FIP1L1: variants seen among roughly 807,000 people sequenced by gnomAD.
FIP1L1 encodes pre-mRNA 3'-end-processing factor FIP1.
A neutral mutation model predicts 84.6 loss-of-function variants in FIP1L1; 21 were observed. The ratio of observed to expected loss-of-function variants is 0.25; its 90% CI spans 0.18 to 0.36. FIP1L1 has a LOEUF of 0.36. Among genes scored for constraint, FIP1L1 ranks in the 10% least tolerant of loss-of-function variants. FIP1L1 has a pLI of 1.00. For synonymous variants in FIP1L1, 263 were observed against 242.3 expected (o/e 1.09, Z -0.80); for missense variants, 526 against 751.1 (o/e 0.70, Z 3.50).
At chr4:53,422,926 G>C (rs772108963) in intron 11 of FIP1L1, among the ~76,000 whole-genome samples, 19 of 152,032 alleles carry the variant, frequency 1.2e-4, no homozygotes, top group Non-Finnish European at 2.5e-4. Context: ...ATGTTGCCCA[G>C]GCTGGTCTTG....
intron 9 of FIP1L1, among the ~76,000 whole-genome samples, chr4:53,398,548 C>G (rs1748601134): frequency 6.6e-6 from 1 of 152,204 alleles, no homozygotes; most frequent in African/African-American, 2.4e-5. Flanking sequence ...TTGGCCTTTG[C>G]CTCATGGGAA....
chr4:53,458,809 T>C lies in FIP1L1; in HGVS notation c.1637+19T>C, dbSNP rs374706516. On this transcript the variant is annotated intron_variant, in intron 17 of 17. Transcript: ENST00000337488. ...CTCGAAGGTTTGCTCTTTAATAAAA[T>C]AGTGAACCAATAGTATGTGAGAGAT... The C allele has an allele frequency of 3.7e-6, 6 of 1,606,818 alleles. No homozygotes were observed. Among genetic ancestry groups the C allele is most frequent in the East Asian group, 2.2e-5 (1 of 44,606 alleles).
intron 11 of FIP1L1, among the ~76,000 whole-genome samples, chr4:53,419,888 G>A (rs1249081191): frequency 3.3e-5 from 5 of 152,092 alleles, no homozygotes; most frequent in South Asian, 4.1e-4. Context: ...TGAGGTGGGC[G>A]GATCACCTGA....
At chr4:53,422,021 T>C (rs1373581188) in intron 11 of FIP1L1, among the ~76,000 whole-genome samples, 1 of 152,236 alleles carries the variant, frequency 6.6e-6, no homozygotes, top group Non-Finnish European at 1.5e-5. Context: ...TAAATTGCTC[T>C]TATTGAATTG....
intron 16 of FIP1L1, among the ~76,000 whole-genome samples, chr4:53,453,445 A>C (rs1717186965): frequency 6.6e-6 from 1 of 152,208 alleles, no homozygotes; most frequent in Non-Finnish European, 1.5e-5. Context: ...TATAAATATT[A>C]ATATTTAAAA....
intron 15 of FIP1L1, among the ~76,000 whole-genome samples, chr4:53,447,870 C>T (rs1774867353): frequency 6.6e-6 from 1 of 151,894 alleles, no homozygotes; most frequent in Admixed American, 6.6e-5. Flanking sequence ...GAAGTTTTGA[C>T]TGTATTTTGA....
chr4:53,409,700 G>A (rs1042994535), intron 10 of FIP1L1, among the ~76,000 whole-genome samples: 16 of 152,198 alleles, frequency 1.1e-4, no homozygotes, highest in South Asian at 1.0e-3. Context: ...AATGGCGGGC[G>A]CCCCTCCCCC....
chr4:53,443,494 A>T (rs1772884626), intron 14 of FIP1L1, among the ~76,000 whole-genome samples: 1 of 152,182 alleles, frequency 6.6e-6, no homozygotes, highest in Admixed American at 6.5e-5. Context: ...GATTCAAATA[A>T]TGTAAAAAGG....
At chr4:53,430,141 T>G (rs1765926537) in intron 13 of FIP1L1, among the ~76,000 whole-genome samples, 1 of 152,064 alleles carries the variant, frequency 6.6e-6, no homozygotes, top group African/African-American at 2.4e-5. Flanking sequence ...ATATAGTATA[T>G]CCCCAGATGG....
chr4:53,404,193 ATGT>A (rs1454180241), intron 10 of FIP1L1, among the ~76,000 whole-genome samples: 5 of 111,994 alleles, frequency 4.5e-5, no homozygotes, highest in Non-Finnish European at 8.3e-5. Context: ...CCAGAGTGTG[ATGT>A]TCCCCTTCCT....
At position 53,377,663 on chromosome 4, in the gene FIP1L1, G is replaced by T; in HGVS notation, c.-176G>T. 1.7e-6 allele frequency: 1 copy of T among 582,618 alleles called. No homozygotes were observed. The highest frequency in any genetic ancestry group is 1.9e-5 in the African/African-American group (1 of 52,150). 36.1% of individuals were successfully genotyped at this position (582,618 alleles called of 1,614,324 possible). ...CCTGCGCATGCGCAGACGGACCTGC[G>T]CTGGAGGCTTCATCTTTGCCGCCGC... On this transcript the variant is annotated 5_prime_UTR_variant, in exon 1 of 18. Coordinates refer to ENST00000337488, the MANE Select transcript of FIP1L1 (RefSeq NM_030917.4).
chr4:53,390,167 C>G (rs1286522258), intron 6 of FIP1L1, among the ~76,000 whole-genome samples: 1 of 152,088 alleles, frequency 6.6e-6, no homozygotes, highest in Non-Finnish European at 1.5e-5. Context: ...CTTGAACTTT[C>G]GAGCTTAAGT....
intron 11 of FIP1L1, among the ~76,000 whole-genome samples, chr4:53,423,595 T>C (rs947542569): frequency 6.6e-6 from 1 of 152,222 alleles, no homozygotes; most frequent in Non-Finnish European, 1.5e-5. Flanking sequence ...ACATACTGTG[T>C]GTCTTATCAT....
intron 14 of FIP1L1, among the ~76,000 whole-genome samples, 165 bp from the exon 15 acceptor site, chr4:53,443,882 TA>T (rs543270930): frequency 1.3e-5 from 2 of 151,958 alleles, no homozygotes; most frequent in African/African-American, 2.4e-5. Context: ...TTTTTTAGGT[TA>T]AAAAAAACCC....
chr4:53,377,730 TTC>T lies in FIP1L1; in HGVS notation c.-108_-107del. The T allele has an allele frequency of 9.8e-7, 1 of 1,024,742 alleles. No individual in the cohort carries two copies. The highest frequency in any genetic ancestry group is 1.8e-5 in the South Asian group (1 of 55,848). 63.5% of individuals were successfully genotyped at this position (1,024,742 alleles called of 1,614,324 possible). A position where few individuals can be genotyped will look rare whatever the true frequency, so the allele number is the denominator to read the frequency against. On this transcript the variant is annotated 5_prime_UTR_variant, in exon 1 of 18. The change creates a premature stop within an existing upstream ORF in the 5' untranslated region. Transcript: ENST00000337488. ...GGATTGGAGTCTCGAGCTTTCTTCGTTCGTTCGTCGGCGGGTTCGCGCCCTTC... is the reference window on the plus strand; with the variant it reads ...GGATTGGAGTCTCGAGCTTTCTTCGTGTTCGTCGGCGGGTTCGCGCCCTTC...
chr4:53,389,856 G>C lies in FIP1L1; in HGVS notation c.380G>C (p.Arg127Thr). The C allele has an allele frequency of 6.2e-7, 1 of 1,601,268 alleles. No individual in the cohort carries two copies. The highest frequency in any genetic ancestry group is 8.5e-7 in the Non-Finnish European group (1 of 1,175,666). ...AATCTTAACATCAAGACAGGGGGAA[G>C]AGTTTATGGAACTACAGGTAAAATT... Reference protein sequence around the residue: ...PVNLNIKTGGRVYGTTGTKVK... With the variant: ...PVNLNIKTGGTVYGTTGTKVK... Residue 127 changes from arginine to threonine, a missense_variant, in exon 6 of 18, where the codon AGA (arginine) becomes ACA (threonine). This residue lies in a region of FIP1L1 where 169 missense variants were observed against 206.9 expected (regional missense o/e 0.82). Coordinates refer to ENST00000337488, the MANE Select transcript of FIP1L1 (RefSeq NM_030917.4).
intron 11 of FIP1L1, among the ~76,000 whole-genome samples, chr4:53,424,489 A>T (rs1763587647): frequency 6.6e-6 from 1 of 152,088 alleles, no homozygotes; most frequent in Non-Finnish European, 1.5e-5. Flanking sequence ...GAAATCTAGG[A>T]AGTCAGTGAC....
chr4:53,385,374 A>G (rs1475172296), intron 5 of FIP1L1, among the ~76,000 whole-genome samples: 6 of 152,140 alleles, frequency 3.9e-5, no homozygotes, highest in Non-Finnish European at 5.9e-5. Flanking sequence ...GTGGACTTCC[A>G]TAGTACCTTA....
chr4:53,380,092 ATT>A (rs1199003815), intron 3 of FIP1L1, among the ~76,000 whole-genome samples: 3 of 152,192 alleles, frequency 2.0e-5, no homozygotes, highest in Non-Finnish European at 2.9e-5. Context: ...CAGCCTGGCC[ATT>A]TTCTCAAATG....
Sources: gnomAD v4.1 joint callset for allele counts (sites outside exome capture counted in the v4.1 genomes callset) on GRCh38, gnomAD v4.1.1 for gene constraint, gnomAD v4.1.1 regional missense constraint, MANE v1.5 for transcripts, NCBI Gene and HGNC (gene_info 2026-07-23, HGNC 2026-07-21) for gene names.